Variants in SAG observed in about 807,000 individuals in gnomAD.
The protein encoded by SAG is S-antigen visual arrestin.
A neutral mutation model predicts 55.0 loss-of-function variants in SAG; 45 were observed. That is an observed-to-expected ratio of 0.82 (90% CI 0.64 to 1.05). SAG has a LOEUF of 1.05. Ranked by LOEUF, SAG falls within the 50% of genes least tolerant of loss-of-function variation. The probability of loss-of-function intolerance (pLI) is 0.00; values close to 1 mark genes in which losing one functional copy is unlikely to be tolerated. For synonymous variants in SAG, 189 were observed against 197.4 expected, an observed-to-expected ratio of 0.96 and a Z score of 0.36; for missense variants, 455 against 512.1, an observed-to-expected ratio of 0.89 and a Z score of 1.08.
chr2:233,336,643 T>C (rs1163542635), intron 11 of SAG, among the ~76,000 whole-genome samples: 1 of 152,156 alleles, frequency 6.6e-6, no homozygotes, highest in African/African-American at 2.4e-5. Flanking sequence ...GAAAGACTTA[T>C]CCAAGGTCAC....
chr2:233,335,502 G>C (rs984997573), intron 11 of SAG, among the ~76,000 whole-genome samples: 2 of 152,224 alleles, frequency 1.3e-5, no homozygotes, highest in African/African-American at 2.4e-5. Context: ...AGGAATGTCA[G>C]CTACTGTTTT....
chr2:233,310,944 A>G (rs1700062277), intron 2 of SAG, among the ~76,000 whole-genome samples: 1 of 152,008 alleles, frequency 6.6e-6, no homozygotes, highest in Non-Finnish European at 1.5e-5. Flanking sequence ...CATTTTAATC[A>G]AGTACTCTGA....
At chr2:233,315,297 T>C (rs1439832377) in intron 2 of SAG, among the ~76,000 whole-genome samples, 1 of 132,058 alleles carries the variant, frequency 7.6e-6, no homozygotes, top group Non-Finnish European at 1.6e-5. Context: ...TTTTTTTTTT[T>C]TTTTTTTTTT....
At chr2:233,329,296 C>T (rs1559445433) in intron 8 of SAG, 197 bp from the exon 9 acceptor site, 10 of 545,668 alleles carry the variant, frequency 1.8e-5, no homozygotes, top group South Asian at 1.6e-4. Flanking sequence ...CTCTGTTCCC[C>T]TCCCCAGCTT....
intron 11 of SAG, 146 bp from the exon 12 acceptor site, chr2:233,338,529 AC>A (rs1180476608): frequency 1.5e-6 from 1 of 686,144 alleles, no homozygotes; most frequent in Non-Finnish European, 2.6e-6. Context: ...AAGTACATGA[AC>A]TTCTAGGACT....
intron 5 of SAG, among the ~76,000 whole-genome samples, chr2:233,321,109 G>A (rs932781050): frequency 6.6e-6 from 1 of 152,170 alleles, no homozygotes; most frequent in African/African-American, 2.4e-5. Context: ...TGCTAAGCTC[G>A]AAAAAGAAAG....
At chr2:233,312,138 CAAAT>C (rs1358814611) in intron 2 of SAG, among the ~76,000 whole-genome samples, 1 of 152,096 alleles carries the variant, frequency 6.6e-6, no homozygotes, top group Admixed American at 6.6e-5. Flanking sequence ...AATAAATAAA[CAAAT>C]AAGTACCGAC....
At chr2:233,346,759 A>G in intron 15 of SAG, 48 bp from the exon 16 acceptor site, 1 of 1,225,596 alleles carries the variant, frequency 8.2e-7, no homozygotes, top group Non-Finnish European at 1.2e-6. Context: ...TTTCAGTTTC[A>G]GCTTCAAAGG....
At chr2:233,346,325 C>A (rs991743540) in intron 14 of SAG, 78 bp from the exon 15 acceptor site, 2 of 1,473,890 alleles carry the variant, frequency 1.4e-6, no homozygotes, top group Non-Finnish European at 1.9e-6. Context: ...TTTCTAGGTA[C>A]AGCTATGATA....
chr2:233,314,217 G>C (rs1260836985), intron 2 of SAG, among the ~76,000 whole-genome samples: 1 of 136,538 alleles, frequency 7.3e-6, no homozygotes, highest in East Asian at 2.0e-4. Context: ...ATGAGACCTT[G>C]TCTCAAAAAA....
Position 233,323,036 on chromosome 2 carries a change from T to C in SAG, c.435+31T>C, listed in dbSNP as rs771755454. ...TTCAAGAAGAAATGCCATGGTTTTATGGATTTGTTCATTCCTTCAATAGAC... is the reference window on the plus strand; with the variant it reads ...TTCAAGAAGAAATGCCATGGTTTTACGGATTTGTTCATTCCTTCAATAGAC... On this transcript the variant is annotated intron_variant, in intron 6 of 15. Coordinates refer to ENST00000409110, the MANE Select transcript of SAG (RefSeq NM_000541.5). The C allele has an allele frequency of 2.1e-5, 29 of 1,400,794 alleles. 1 individual carries two copies. Among genetic ancestry groups the C allele is most frequent in the South Asian group, 1.9e-4 (15 of 79,732 alleles). 86.8% of individuals were successfully genotyped at this position (1,400,794 alleles called of 1,614,324 possible).
chr2:233,309,295 G>T, intron 2 of SAG, 31 bp downstream of exon 2: 1 of 1,574,430 alleles, frequency 6.4e-7, no homozygotes, highest in Non-Finnish European at 8.7e-7. Context: ...TGATTTGATA[G>T]AAATTATTGT....
chr2:233,346,152 A>T, intron 14 of SAG: 1 of 175,898 alleles, frequency 5.7e-6, no homozygotes, highest in Non-Finnish European at 1.1e-5. Flanking sequence ...GACAGTCTCA[A>T]ATAAAATAAA....
rs371670298 is a variant in SAG at position 233,338,743 on chromosome 2, A to G, written c.1012A>G (p.Thr338Ala). 3.1e-6 allele frequency: 5 copies of G among 1,611,564 alleles called. No individual in the cohort carries two copies. The highest frequency in any genetic ancestry group is 3.4e-6 in the Non-Finnish European group (4 of 1,177,774). ...LVSYQIKVKL[T>A]VSGFLGELTS... Reference sequence around the variant, plus strand: ...GTCTTACCAGATCAAGGTGAAGCTCACAGTGTCAGGGTAAGTGTCCCGGCA... The same window carrying G: ...GTCTTACCAGATCAAGGTGAAGCTCGCAGTGTCAGGGTAAGTGTCCCGGCA... Residue 338 changes from threonine to alanine, a missense_variant, in exon 12 of 16, where the codon ACA (threonine) becomes GCA (alanine). By Grantham distance (58) the Thr-to-Ala change is moderately conservative. Coordinates refer to ENST00000409110, the MANE Select transcript of SAG (RefSeq NM_000541.5).
intron 14 of SAG, chr2:233,343,061 GATA>G (rs1701150018): frequency 6.9e-6 from 1 of 144,182 alleles, no homozygotes; most frequent in Non-Finnish European, 1.5e-5. Context: ...CCTGGCTGAA[GATA>G]ACTGTTTTTT....
intron 2 of SAG, among the ~76,000 whole-genome samples, chr2:233,310,105 G>A (rs1700038355): frequency 6.6e-6 from 1 of 152,214 alleles, no homozygotes; most frequent in African/African-American, 2.4e-5. Flanking sequence ...CCAGGGGCAC[G>A]TTAGATGCTC....
At chr2:233,318,036 C>T (rs1051252832) in intron 3 of SAG, among the ~76,000 whole-genome samples, 2 of 151,436 alleles carry the variant, frequency 1.3e-5, no homozygotes, top group Non-Finnish European at 2.9e-5. Flanking sequence ...TGCAGTGGCA[C>T]AGTCACAGCT....
chr2:233,346,177 T>TAAA (rs201218426), intron 14 of SAG: 2 of 251,452 alleles, frequency 8.0e-6, no homozygotes, highest in East Asian at 1.4e-4. Context: ...TAAAATAAAA[T>TAAA]ATAAAATAAA....
intron 14 of SAG, chr2:233,343,598 A>C (rs1346721817): frequency 2.0e-6 from 2 of 1,000,430 alleles, no homozygotes; most frequent in East Asian, 1.3e-4. Context: ...ATGATATATG[A>C]ATTTGATCTC....
Sources: gnomAD v4.1 joint callset for allele counts (sites outside exome capture counted in the v4.1 genomes callset) on GRCh38, gnomAD v4.1.1 for gene constraint, MANE v1.5 for transcripts, NCBI Gene and HGNC (gene_info 2026-07-23, HGNC 2026-07-21) for gene names.